GPR137B: variants seen among roughly 807,000 people sequenced by gnomAD.
GPR137B encodes the protein integral membrane protein GPR137B.
Under a neutral mutation model 42.5 loss-of-function variants are expected in GPR137B, and 42 were observed. The observed-to-expected ratio is 0.99, with a 90% CI of 0.77 to 1.28. The LOEUF (loss-of-function observed/expected upper bound fraction) is 1.28, where lower values mean the gene tolerates loss of function less well. Ranked by LOEUF, GPR137B falls within the 50% of genes most tolerant of loss-of-function variation. The pLI is 0.00. For synonymous variants in GPR137B, 218 were observed against 209.7 expected, an observed-to-expected ratio of 1.04 and a Z score of -0.34; for missense variants, 487 against 493.9, an observed-to-expected ratio of 0.99 and a Z score of 0.13.
intron 1 of GPR137B, among the ~76,000 whole-genome samples, chr1:236,154,418 A>G (rs1026700506): frequency 1.3e-5 from 2 of 151,994 alleles, no homozygotes; most frequent in African/African-American, 4.8e-5. Flanking sequence ...AGCTAGTCCC[A>G]GTTTTTTTCA....
intron 2 of GPR137B, among the ~76,000 whole-genome samples, chr1:236,176,011 G>A (rs1662674793): frequency 6.6e-6 from 1 of 152,176 alleles, no homozygotes; most frequent in Admixed American, 6.5e-5. Flanking sequence ...AAAACATGAA[G>A]CAAAGAGTGT....
chr1:236,157,742 G>A (rs112482771), intron 1 of GPR137B, among the ~76,000 whole-genome samples: 5,228 of 152,168 alleles, frequency 0.034, 282 homozygotes, highest in African/African-American at 0.12. Context: ...TGAGAACATC[G>A]TAGTTTTGAT....
At chr1:236,160,797 C>T (rs575786384) in intron 1 of GPR137B, among the ~76,000 whole-genome samples, 1 of 152,258 alleles carries the variant, frequency 6.6e-6, no homozygotes, top group African/African-American at 2.4e-5. Flanking sequence ...GTCAGCCGCA[C>T]TGGACACCCT....
At chr1:236,143,421 C>G (rs1162193187) in intron 1 of GPR137B, among the ~76,000 whole-genome samples, 1 of 152,262 alleles carries the variant, frequency 6.6e-6, no homozygotes, top group Non-Finnish European at 1.5e-5. Flanking sequence ...AGAATTTGCC[C>G]TGCCTCCCCA....
At chr1:236,153,807 C>A (rs1661938430) in intron 1 of GPR137B, among the ~76,000 whole-genome samples, 1 of 152,226 alleles carries the variant, frequency 6.6e-6, no homozygotes. Context: ...CTCTAGGATA[C>A]ATGCTTTAAA....
chr1:236,146,143 C>T (rs1385157729), intron 1 of GPR137B, among the ~76,000 whole-genome samples: 1 of 152,192 alleles, frequency 6.6e-6, no homozygotes, highest in East Asian at 1.9e-4. Flanking sequence ...CAGGTGTGAG[C>T]CACCGCGCCT....
intron 2 of GPR137B, among the ~76,000 whole-genome samples, chr1:236,170,635 G>A (rs1422345723): frequency 6.6e-6 from 1 of 152,120 alleles, no homozygotes; most frequent in Non-Finnish European, 1.5e-5. Flanking sequence ...TGAAATGCTT[G>A]GGACCAAAAA....
At chr1:236,173,996 C>G (rs1662617755) in intron 2 of GPR137B, among the ~76,000 whole-genome samples, 1 of 152,106 alleles carries the variant, frequency 6.6e-6, no homozygotes, top group African/African-American at 2.4e-5. Flanking sequence ...AGAAAGCAAG[C>G]AAGTCCACTG....
chr1:236,150,149 TTG>T lies in GPR137B; in HGVS notation c.414+7117_414+7118del, dbSNP rs1281755261. On this transcript the variant is annotated intron_variant, in intron 1 of 6. Coordinates refer to ENST00000366592, the MANE Select transcript of GPR137B (RefSeq NM_003272.4). This position sits in a 1 kb window ranked among gnomAD's most constrained non-coding sequence, Gnocchi z 6.2. ...CGTGTGCCTGTGTGTGTGCCTCTGT[TTG>T]TGTCTGTGCATGTGTGTGCCCGTTT... is the stretch of plus-strand genomic sequence containing the variant. 6.8e-6 allele frequency among the ~76,000 whole-genome samples: 1 copy of T among 146,298 alleles called. No individual in the cohort carries two copies. The highest frequency in any genetic ancestry group is 1.5e-5 in the Non-Finnish European group (1 of 66,170).
chr1:236,157,295 G>A (rs1475493286), intron 1 of GPR137B, among the ~76,000 whole-genome samples: 1 of 150,100 alleles, frequency 6.7e-6, no homozygotes, highest in Non-Finnish European at 1.5e-5. Flanking sequence ...CGCGATCTCT[G>A]CTCACTGCAA....
chr1:236,203,432 G>A (rs1361071125), intron 5 of GPR137B, among the ~76,000 whole-genome samples: 2 of 152,144 alleles, frequency 1.3e-5, no homozygotes, highest in Non-Finnish European at 2.9e-5. Context: ...TAACTCTGTA[G>A]TGTAATTTGA....
intron 1 of GPR137B, among the ~76,000 whole-genome samples, chr1:236,149,256 G>A (rs1571957492): frequency 2.6e-5 from 1 of 38,496 alleles, no homozygotes. Flanking sequence ...AAGCCTAATC[G>A]CAGTGCCTGA....
intron 2 of GPR137B, among the ~76,000 whole-genome samples, chr1:236,177,571 T>G (rs1176146889): frequency 6.6e-6 from 1 of 152,110 alleles, no homozygotes; most frequent in African/African-American, 2.4e-5. Context: ...TTTGTTTTTT[T>G]TTGAGACTTG....
At chr1:236,173,308 AGAAAG>A (rs1662599533) in intron 2 of GPR137B, among the ~76,000 whole-genome samples, 1 of 148,686 alleles carries the variant, frequency 6.7e-6, no homozygotes, top group African/African-American at 2.5e-5. Context: ...AAAAAAAAGA[AGAAAG>A]AAAAGGATGA....
chr1:236,147,562 C>T lies in GPR137B; in HGVS notation c.414+4526C>T, dbSNP rs149997793. Among the ~76,000 whole-genome samples, 14 of 152,356 alleles carry T rather than the reference C, an allele frequency of 9.2e-5. No individual in the cohort carries two copies. The East Asian group carries it at 2.1e-3, about 23-fold the overall frequency. ...CCTAACTAGCGTCTTCAGGACCCTGCACCTGGCTGCTTTTCACTCCTTGCG... is the reference window on the plus strand; with the variant it reads ...CCTAACTAGCGTCTTCAGGACCCTGTACCTGGCTGCTTTTCACTCCTTGCG... On this transcript the variant is annotated intron_variant, in intron 1 of 6. Coordinates refer to ENST00000366592, the MANE Select transcript of GPR137B (RefSeq NM_003272.4).
In GPR137B at chr1:236,142,978, G is replaced by A. The variant is rs1384255003; in HGVS notation, c.356G>A (p.Cys119Tyr). The A allele has an allele frequency of 1.2e-6, 2 of 1,613,966 alleles. No individual in the cohort carries two copies. The highest frequency in any genetic ancestry group is 1.7e-6 in the Non-Finnish European group (2 of 1,179,962). Residue 119 changes from cysteine (C) to tyrosine (Y), a missense_variant, in exon 1 of 7, where the codon TGC (cysteine) becomes TAC (tyrosine). Physicochemically the swap from Cys to Tyr is radical, Grantham distance 194. Coordinates refer to ENST00000366592, the MANE Select transcript of GPR137B (RefSeq NM_003272.4). Reference protein sequence around the residue: ...LSPFVFWLLYCFPVCLQFFTL... With the variant: ...LSPFVFWLLYYFPVCLQFFTL... Reference sequence around the variant, plus strand: ...CCCTTCGTCTTCTGGCTGCTCTACTGCTTCCCTGTGTGCCTGCAGTTTTTC... The same window carrying A: ...CCCTTCGTCTTCTGGCTGCTCTACTACTTCCCTGTGTGCCTGCAGTTTTTC...
chr1:236,208,085 C>G lies in GPR137B; in HGVS notation c.1127C>G (p.Thr376Ser). ...APDYYDWGQQ[T>S]NSFLAQAGTL... is the part of the protein sequence containing the mutation. ...GATTACTATGATTGGGGACAACAAA[C>G]TAACAGCTTCCTGGCACAAGCAGGA... is the stretch of plus-strand genomic sequence containing the variant. Residue 376 changes from threonine to serine, a missense_variant, in exon 7 of 7, where the codon ACT becomes AGT. Transcript: ENST00000366592. The G allele has an allele frequency of 6.2e-7, 1 of 1,613,272 alleles. No homozygotes were observed. The highest frequency in any genetic ancestry group is 1.1e-5 in the South Asian group (1 of 91,056).
Position 236,205,128 on chromosome 1 carries a change from C to T in GPR137B, c.969C>T (p.Thr323=). The change falls in exon 6 of 7, where the codon ACC becomes ACT. Residue 323 remains threonine (T), a splice_region_variant and synonymous_variant. Coordinates refer to ENST00000366592, the MANE Select transcript of GPR137B (RefSeq NM_003272.4). ...FRVRNPTKDL[T]NPGMVPSHGF... The stretch of plus-strand genomic sequence containing the variant: ...TGAATGATTACCTGTCTTTCTAGAC[C>T]AACCCTGGAATGGTCCCCAGCCATG... The T allele has an allele frequency of 6.2e-7, 1 of 1,611,492 alleles. No individual in the cohort carries two copies. Among genetic ancestry groups the T allele is most frequent in the Non-Finnish European group, 8.5e-7 (1 of 1,177,996 alleles).
At chr1:236,169,183 GGTGCA>G (rs1662452081) in intron 2 of GPR137B, among the ~76,000 whole-genome samples, 1 of 140,944 alleles carries the variant, frequency 7.1e-6, no homozygotes, top group African/African-American at 3.2e-5. Flanking sequence ...TGCAGGTGCA[GGTGCA>G]GGTGCAGGTG....
Sources: gnomAD v4.1 joint callset for allele counts (sites outside exome capture counted in the v4.1 genomes callset) on GRCh38, gnomAD v4.1.1 for gene constraint, Gnocchi (gnomAD v3.1) non-coding constraint, MANE v1.5 for transcripts, NCBI Gene and HGNC (gene_info 2026-07-23, HGNC 2026-07-21) for gene names.